Variants in CNTNAP2 observed in about 807,000 individuals in gnomAD.
CNTNAP2 encodes the protein contactin associated protein 2.
CNTNAP2 carries 98 observed loss-of-function variants against 155.2 expected under a neutral mutation model. The ratio of observed to expected loss-of-function variants is 0.63; its 90% confidence interval spans 0.54 to 0.75. CNTNAP2 has a LOEUF of 0.75. CNTNAP2 is among the 30% of genes least tolerant of loss of function. The pLI is 0.00. For synonymous variants in CNTNAP2, 651 were observed against 631.2 expected, an observed-to-expected ratio of 1.03 and a Z score of -0.47; for missense variants, 1,727 against 1,688.1, an observed-to-expected ratio of 1.02 and a Z score of -0.40.
At chr7:148,317,990 G>C (rs1454263406) in intron 21 of CNTNAP2, among the ~76,000 whole-genome samples, 1 of 152,184 alleles carries the variant, frequency 6.6e-6, no homozygotes, top group East Asian at 1.9e-4. Context: ...CCTGCCCTGA[G>C]CTCATTTCTA....
At chr7:147,225,156 A>G (rs76338976) in intron 8 of CNTNAP2, among the ~76,000 whole-genome samples, 10,988 of 152,232 alleles carry the variant, frequency 0.072, 431 homozygotes, top group Non-Finnish European at 0.09. Flanking sequence ...AGAAGTGACA[A>G]TTTAAAAGTT....
At chr7:146,868,409 C>T (rs892930050) in intron 3 of CNTNAP2, among the ~76,000 whole-genome samples, 3 of 152,066 alleles carry the variant, frequency 2.0e-5, no homozygotes, top group Non-Finnish European at 4.4e-5. Context: ...ATGCTGTTTT[C>T]ATTCCTTTAG....
chr7:147,029,848 A>G (rs982651088), intron 3 of CNTNAP2, among the ~76,000 whole-genome samples: 1 of 152,230 alleles, frequency 6.6e-6, no homozygotes, highest in Non-Finnish European at 1.5e-5. Flanking sequence ...ATGGTAATTT[A>G]CCTTGCTATC....
intron 3 of CNTNAP2, among the ~76,000 whole-genome samples, chr7:146,944,526 C>T (rs1200697580): frequency 6.6e-6 from 1 of 152,018 alleles, no homozygotes; most frequent in Non-Finnish European, 1.5e-5. Context: ...TACTAAGCAG[C>T]AACGATGACA....
chr7:146,925,644 A>T (rs1585160878), intron 3 of CNTNAP2, among the ~76,000 whole-genome samples: 3 of 152,252 alleles, frequency 2.0e-5, no homozygotes, highest in Middle Eastern at 6.8e-3. Flanking sequence ...GTATGTCACA[A>T]GGAAAACTGG....
rs183384002 is a variant in CNTNAP2, at chr7:146,785,345, G to A, written c.208+10964G>A. On this transcript the variant is annotated intron_variant, in intron 2 of 23. Transcript: ENST00000361727. ...TCAAATAAGGAGGTGGAGAATTTTT[G>A]TGAATGATTTCTACCATCAGAAATA... Among the ~76,000 whole-genome samples the A allele has an allele frequency of 3.3e-5, 5 of 152,194 alleles. No homozygotes were observed. In the East Asian group the frequency reaches 9.6e-4, roughly 29 times the overall value.
At chr7:146,154,985 G>T (rs1461807151) in intron 1 of CNTNAP2, among the ~76,000 whole-genome samples, 4 of 152,114 alleles carry the variant, frequency 2.6e-5, no homozygotes, top group Non-Finnish European at 4.4e-5. Context: ...TTGTTCATAA[G>T]AACAGGAACA....
intron 1 of CNTNAP2, among the ~76,000 whole-genome samples, chr7:146,290,361 A>T (rs1351229605): frequency 6.6e-6 from 1 of 152,192 alleles, no homozygotes; most frequent in African/African-American, 2.4e-5. Context: ...TGGAGAGCAG[A>T]TAAATCTCAG....
chr7:147,698,971 C>A (rs1481749041), intron 13 of CNTNAP2, among the ~76,000 whole-genome samples: 1 of 151,994 alleles, frequency 6.6e-6, no homozygotes, highest in Non-Finnish European at 1.5e-5. Context: ...ACAGATCTTT[C>A]TAAGAAGGAA....
intron 9 of CNTNAP2, among the ~76,000 whole-genome samples, chr7:147,352,507 T>C (rs1007342965): frequency 7.9e-5 from 12 of 152,044 alleles, no homozygotes; most frequent in African/African-American, 2.9e-4. Context: ...AGGTTTTTGC[T>C]TTAAAACATT....
At chr7:146,828,888 G>A (rs1236122517) in intron 2 of CNTNAP2, among the ~76,000 whole-genome samples, 1 of 151,982 alleles carries the variant, frequency 6.6e-6, no homozygotes, top group Non-Finnish European at 1.5e-5. Flanking sequence ...TCTGGCTCAG[G>A]CTAGCCTCTG....
At chr7:146,584,967 C>T (rs528704380) in intron 1 of CNTNAP2, among the ~76,000 whole-genome samples, 25 of 152,108 alleles carry the variant, frequency 1.6e-4, no homozygotes, top group Non-Finnish European at 3.5e-4. Context: ...TATATTTAAC[C>T]TGTTTGGGGC....
intron 9 of CNTNAP2, among the ~76,000 whole-genome samples, chr7:147,390,202 C>T (rs1325932413): frequency 6.6e-6 from 1 of 152,176 alleles, no homozygotes; most frequent in African/African-American, 2.4e-5. Flanking sequence ...ACTAAGGGAA[C>T]TGTCAATATT....
intron 3 of CNTNAP2, among the ~76,000 whole-genome samples, chr7:147,017,788 G>A (rs1025957794): frequency 6.6e-6 from 1 of 151,956 alleles, no homozygotes; most frequent in East Asian, 1.9e-4. Flanking sequence ...TATTCATGAG[G>A]AAACTAGCAG....
At chr7:146,885,643 T>C (rs1462109117) in intron 3 of CNTNAP2, among the ~76,000 whole-genome samples, 4 of 152,290 alleles carry the variant, frequency 2.6e-5, no homozygotes, top group Non-Finnish European at 5.9e-5. Context: ...CAATTATTTT[T>C]ATTGTCTTCA....
chr7:147,957,725 T>A (rs1337790612), intron 14 of CNTNAP2, among the ~76,000 whole-genome samples: 1 of 152,164 alleles, frequency 6.6e-6, no homozygotes, highest in African/African-American at 2.4e-5. Context: ...GAACATTATG[T>A]TAGATACATA....
At chr7:148,131,812 G>C (rs1159961440) in intron 16 of CNTNAP2, among the ~76,000 whole-genome samples, 1 of 151,888 alleles carries the variant, frequency 6.6e-6, no homozygotes, top group Non-Finnish European at 1.5e-5. Context: ...ATTCAACTAG[G>C]GATGACACTT....
At chr7:147,089,604 T>C (rs955468252) in intron 4 of CNTNAP2, among the ~76,000 whole-genome samples, 1 of 152,176 alleles carries the variant, frequency 6.6e-6, no homozygotes, top group Non-Finnish European at 1.5e-5. Flanking sequence ...TGGAAATAAG[T>C]CTTTGTTATA....
chr7:148,281,835 CTTT>C (rs58086860), intron 21 of CNTNAP2, among the ~76,000 whole-genome samples: 1 of 123,460 alleles, frequency 8.1e-6, no homozygotes, highest in African/African-American at 2.9e-5. Context: ...ACAACGTTTC[CTTT>C]TTTTTTTTTT....
Sources: gnomAD v4.1 joint callset for allele counts (sites outside exome capture counted in the v4.1 genomes callset) on GRCh38, gnomAD v4.1.1 for gene constraint, MANE v1.5 for transcripts, NCBI Gene and HGNC (gene_info 2026-07-23, HGNC 2026-07-21) for gene names.